Variants in ERCC2 observed in about 807,000 individuals in gnomAD.
The protein encoded by ERCC2 is ERCC excision repair 2, TFIIH core complex helicase subunit, also known as general transcription and DNA repair factor IIH helicase subunit XPD.
Under a neutral mutation model 99.4 loss-of-function variants are expected in ERCC2, and 90 were observed. That is an observed-to-expected ratio of 0.91 (90% CI 0.76 to 1.08). The LOEUF is 1.08. Among genes scored for constraint, ERCC2 ranks in the 50% least tolerant of loss-of-function variants. ERCC2 has a pLI of 0.00. For missense variants in ERCC2, 993 were observed against 1,038.1 expected, an observed-to-expected ratio of 0.96 and a Z score of 0.60; for synonymous variants, 497 against 432.4, an observed-to-expected ratio of 1.15 and a Z score of -1.85.
chr19:45,358,754 A>G, intron 12 of ERCC2: 1 of 752,966 alleles, frequency 1.3e-6, no homozygotes, highest in Non-Finnish European at 2.5e-6. Context: ...CAACACAACA[A>G]TGTATTTTTT....
chr19:45,349,979 A>G lies in ERCC2; in HGVS notation c.*1650T>C, dbSNP rs1276276492. The G allele has an allele frequency of 4.8e-6, 2 of 419,252 alleles. No individual in the cohort carries two copies. Among genetic ancestry groups the G allele is most frequent in the Non-Finnish European group, 8.6e-6 (2 of 232,470 alleles). The allele number at this position is 419,252 out of a possible 1,614,324, so 26.0% of individuals were successfully genotyped here. ...GTGGGAAGACTGAGGCACCGAGGCC[A>G]TGCCACCAGCCCAAAGTACAGCAGA... is the stretch of plus-strand genomic sequence containing the variant. On this transcript the variant is annotated 3_prime_UTR_variant, in exon 23 of 23. Transcript: ENST00000391945.
intron 17 of ERCC2, 68 bp downstream of exon 17, chr19:45,354,662 A>G: frequency 6.3e-7 from 1 of 1,596,668 alleles, no homozygotes; most frequent in South Asian, 1.1e-5. Flanking sequence ...AGAGGAATGA[A>G]GCTGACATAG....
chr19:45,354,786 C>G lies in ERCC2; in HGVS notation c.1609G>C (p.Ala537Pro). The G allele has an allele frequency of 6.2e-7, 1 of 1,614,110 alleles. No homozygotes were observed. Residue 537 changes from alanine (A) to proline (P), a missense_variant, in exon 17 of 23, where the codon GCC becomes CCC. Coordinates refer to ENST00000391945, the MANE Select transcript of ERCC2 (RefSeq NM_000400.4). ...ATGTACTGGTAGCTGGTGAAGAAGG[C>G]CACGATGCCATCAGGGACCACAGCG... ...MSAVVPDGIV[A>P]FFTSYQYMES...
intron 17 of ERCC2, among the ~76,000 whole-genome samples, chr19:45,353,650 G>A (rs1487885751): frequency 2.0e-5 from 3 of 152,188 alleles, no homozygotes; most frequent in Admixed American, 1.3e-4. Flanking sequence ...AGGCTGCCCT[G>A]AGACTTCCCA....
chr19:45,367,372 C>T (rs150331794), intron 5 of ERCC2, among the ~76,000 whole-genome samples: 127 of 61,112 alleles, frequency 2.1e-3, no homozygotes, highest in East Asian at 4.1e-3. Context: ...TATATATACA[C>T]ACACACACAC....
intron 12 of ERCC2, among the ~76,000 whole-genome samples, chr19:45,359,250 T>A (rs1012801193): frequency 6.6e-6 from 1 of 151,904 alleles, no homozygotes; most frequent in Admixed American, 6.6e-5. Context: ...ATGATCCAGG[T>A]GAAAGACCAT....
At chr19:45,357,743 C>A (rs1304229527) in intron 12 of ERCC2, 44 bp from the exon 13 acceptor site, 10 of 1,549,850 alleles carry the variant, frequency 6.5e-6, no homozygotes, top group Middle Eastern at 1.7e-4. Context: ...CCCACTACAG[C>A]CACAGCTGCA....
In ERCC2 at chr19:45,352,287, G is replaced by A; in HGVS notation, c.2112C>T (p.Ala704=). The A allele has an allele frequency of 1.2e-6, 2 of 1,614,118 alleles. No individual in the cohort carries two copies. Among genetic ancestry groups the A allele is most frequent in the Non-Finnish European group, 1.7e-6 (2 of 1,180,014 alleles). The change falls in exon 22 of 23, where the codon GCC becomes GCT. Residue 704 remains alanine, a synonymous_variant. Transcript: ENST00000391945. ...PRWIQEHLTD[A]NLNLTVDEGV... is the part of the protein sequence containing the mutation. ...CCTCGTCCACGGTCAGGTTGAGGTT[G>A]GCATCTGTGAGGTGCTCCTGGATCC...
chr19:45,357,456 A>G lies in ERCC2; in HGVS notation c.1377+18T>C, dbSNP rs759880223. 1.2e-6 allele frequency: 2 copies of G among 1,613,144 alleles called. No homozygotes were observed. Among genetic ancestry groups the G allele is most frequent in the East Asian group, 2.2e-5 (1 of 44,862 alleles). On this transcript the variant is annotated intron_variant, in intron 14 of 22. Transcript: ENST00000391945. ...GAGGGAGGTCAGGGACTAGGAGGGG[A>G]CGGGGAAGGGTCCTTACCCCAGATG...
In ERCC2 at chr19:45,351,534, CTTCAT is replaced by C. The variant is rs1971777102; in HGVS notation, c.*90_*94del. ...CGTGACAGTGAGAAATGTCACCTGA[CTTCAT>C]AAGACCTTCTAGCACCACCGCCGCT... On this transcript the variant is annotated 3_prime_UTR_variant, in exon 23 of 23. Transcript: ENST00000391945. 2 of 1,603,706 alleles carry C rather than the reference CTTCAT, an allele frequency of 1.2e-6. No homozygotes were observed. The highest frequency in any genetic ancestry group is 2.2e-5 in the East Asian group (1 of 44,876).
In ERCC2 at chr19:45,351,123, G is replaced by T. The variant is rs1355652493; in HGVS notation, c.*506C>A. On this transcript the variant is annotated 3_prime_UTR_variant, in exon 23 of 23. Transcript: ENST00000391945. ...CAGTGGTGGAGTCAGCAGGTGGTGG[G>T]TTGGTGTCAGAAGAGACCCAGGACA... The T allele has an allele frequency of 6.2e-7, 1 of 1,605,600 alleles. No homozygotes were observed. The highest frequency in any genetic ancestry group is 8.5e-7 in the Non-Finnish European group (1 of 1,175,626).
chr19:45,361,690 A>G, intron 11 of ERCC2, 48 bp from the exon 12 acceptor site: 1 of 1,349,330 alleles, frequency 7.4e-7, no homozygotes, highest in Non-Finnish European at 1.1e-6. Context: ...AAGCATGAGC[A>G]GGACCAGCAG....
chr19:45,364,647 G>A, intron 7 of ERCC2, 100 bp from the exon 8 acceptor site: 2 of 1,537,568 alleles, frequency 1.3e-6, no homozygotes, highest in South Asian at 2.3e-5. Flanking sequence ...GGCCTGCACA[G>A]GCAGACACAG....
Position 45,365,064 on chromosome 19 carries a change from A to C in ERCC2, c.455T>G (p.Leu152Arg), listed in dbSNP as rs367883716. The C allele has an allele frequency of 3.1e-5, 50 of 1,613,956 alleles. No homozygotes were observed. The African/African-American group carries it at 5.2e-4, about 17-fold the overall frequency. The change falls in exon 6 of 23, where the codon CTG becomes CGG. Residue 152 changes from leucine (L) to arginine (R), a missense_variant. Transcript: ENST00000391945. ...AACCTCATAGAATCGGCAGTGGGGCAGGCTGGTGTCATGCTGGTACTGCGC... is the reference window on the plus strand; with the variant it reads ...AACCTCATAGAATCGGCAGTGGGGCCGGCTGGTGTCATGCTGGTACTGCGC... ...VRAQYQHDTS[L>R]PHCRFYEEFD...
Position 45,364,944 on chromosome 19 carries a change from G to A in ERCC2, c.488C>T (p.Ala163Val). 1 of 1,613,930 alleles carries A rather than the reference G, an allele frequency of 6.2e-7. No homozygotes were observed. Among genetic ancestry groups the A allele is most frequent in the South Asian group, 1.1e-5 (1 of 91,070 alleles). The change falls in exon 7 of 23, where the codon GCC becomes GTC. Residue 163 changes from alanine (A) to valine (V), a missense_variant. By Grantham distance (64) the Ala-to-Val change is moderately conservative. Around this residue, in one of 3 missense-constraint regions of ERCC2, gnomAD observed 909 missense variants for 930.8 expected, o/e 0.98. Transcript: ENST00000391945. ...PHCRFYEEFD[A>V]HGREVPLPAG... is the part of the protein sequence containing the mutation. ...GGGGAGGGGCACCTCACGCCCATGGGCATCAAATTCCTGGGACAAGAGTGC... is the reference window on the plus strand; with the variant it reads ...GGGGAGGGGCACCTCACGCCCATGGACATCAAATTCCTGGGACAAGAGTGC...
chr19:45,355,250 G>A (rs902780850), intron 16 of ERCC2, among the ~76,000 whole-genome samples: 15 of 152,324 alleles, frequency 9.8e-5, no homozygotes, highest in African/African-American at 2.9e-4. Flanking sequence ...CCAGCTACTC[G>A]GGAGGCTGAG....
intron 11 of ERCC2, chr19:45,362,048 C>T (rs879821511): frequency 2.2e-5 from 5 of 230,964 alleles, no homozygotes; most frequent in Non-Finnish European, 3.5e-5. Flanking sequence ...GCCTCAGCCT[C>T]CCAAGTAGCT....
At chr19:45,360,426 G>A (rs1972179603) in intron 12 of ERCC2, among the ~76,000 whole-genome samples, 1 of 150,600 alleles carries the variant, frequency 6.6e-6, no homozygotes, top group African/African-American at 2.4e-5. Context: ...TGCCCAGGCT[G>A]GAGTGCAGTG....
chr19:45,361,847 C>T (rs1311790387), intron 11 of ERCC2: 1 of 596,838 alleles, frequency 1.7e-6, no homozygotes, highest in Non-Finnish European at 3.1e-6. Context: ...CATAATGGCA[C>T]AGACAGAGCA....
Sources: gnomAD v4.1 joint callset for allele counts (sites outside exome capture counted in the v4.1 genomes callset) on GRCh38, gnomAD v4.1.1 for gene constraint, gnomAD v4.1.1 regional missense constraint, MANE v1.5 for transcripts, NCBI Gene and HGNC (gene_info 2026-07-23, HGNC 2026-07-21) for gene names.